Variants in WDR1 observed in about 807,000 individuals in gnomAD.
The protein encoded by WDR1 is WD repeat domain 1, also known as WD repeat-containing protein 1.
A neutral mutation model predicts 71.9 loss-of-function variants in WDR1; 21 were observed. The ratio of observed to expected loss-of-function variants is 0.29; its 90% CI spans 0.21 to 0.42. The LOEUF (loss-of-function observed/expected upper bound fraction) is 0.42. Ranked by LOEUF, WDR1 falls within the 10% of genes least tolerant of loss-of-function variation. The probability of loss-of-function intolerance (pLI) is 1.00; values close to 1 mark genes in which losing one functional copy is unlikely to be tolerated. For missense variants in WDR1, 696 were observed against 824.5 expected, an observed-to-expected ratio of 0.84 and a Z score of 1.91; for synonymous variants, 424 against 347.4, an observed-to-expected ratio of 1.22 and a Z score of -2.45.
At chr4:10,101,059 C>G (rs1332086656) in intron 3 of WDR1, among the ~76,000 whole-genome samples, 1 of 152,270 alleles carries the variant, frequency 6.6e-6, no homozygotes, top group East Asian at 1.9e-4. Context: ...GGCCAAACCA[C>G]ACGCCTGTCA....
intron 9 of WDR1, chr4:10,083,677 C>G (rs2241471): frequency 2.1e-6 from 1 of 467,826 alleles, no homozygotes; most frequent in Non-Finnish European, 4.3e-6. Context: ...AGCAGAACAA[C>G]GCACAGCAGG....
chr4:10,088,810 A>G (rs1319373066), intron 5 of WDR1, 69 bp from the exon 6 acceptor site: 5 of 1,194,770 alleles, frequency 4.2e-6, no homozygotes, highest in Non-Finnish European at 6.1e-6. Context: ...AATGCTCTCT[A>G]TGAAACACAG....
chr4:10,116,028 G>A, intron 2 of WDR1, 85 bp downstream of exon 2: 1 of 1,530,624 alleles, frequency 6.5e-7, no homozygotes, highest in South Asian at 1.2e-5. Context: ...CAATGGGCAG[G>A]AGGTGAGAAG....
At chr4:10,105,476 T>A (rs1399313575) in intron 2 of WDR1, among the ~76,000 whole-genome samples, 2 of 152,254 alleles carry the variant, frequency 1.3e-5, no homozygotes, top group African/African-American at 4.8e-5. Context: ...TCAAGGTGTC[T>A]ATCCAAAGAA....
At chr4:10,108,996 A>G (rs1713191974) in intron 2 of WDR1, among the ~76,000 whole-genome samples, 1 of 152,240 alleles carries the variant, frequency 6.6e-6, no homozygotes, top group Non-Finnish European at 1.5e-5. Context: ...GCTGCCAAAT[A>G]CCGACAAAGA....
chr4:10,102,337 C>T (rs1194437504), intron 3 of WDR1, among the ~76,000 whole-genome samples: 1 of 152,200 alleles, frequency 6.6e-6, no homozygotes, highest in Non-Finnish European at 1.5e-5. Flanking sequence ...CTGAGTGTGA[C>T]CTCGAAAACC....
intron 8 of WDR1, among the ~76,000 whole-genome samples, chr4:10,087,501 C>CTCA (rs1195977607): frequency 1.3e-5 from 2 of 152,242 alleles, no homozygotes. Context: ...GGGAACTTGG[C>CTCA]ACCTGGCCTG....
chr4:10,112,371 AC>A (rs1478208717), intron 2 of WDR1, among the ~76,000 whole-genome samples: 1 of 152,172 alleles, frequency 6.6e-6, no homozygotes, highest in Non-Finnish European at 1.5e-5. Flanking sequence ...TCTCTCAAAC[AC>A]AGTGTACATA....
chr4:10,116,025 CAGG>C (rs1713697812), intron 2 of WDR1, 85 bp downstream of exon 2: 27 of 1,522,004 alleles, frequency 1.8e-5, no homozygotes, highest in Non-Finnish European at 2.2e-5. Flanking sequence ...GGCCAATGGG[CAGG>C]AGGTGAGAAG....
chr4:10,102,550 G>A (rs968296605), intron 3 of WDR1, among the ~76,000 whole-genome samples: 36 of 152,170 alleles, frequency 2.4e-4, no homozygotes, highest in African/African-American at 7.7e-4. Flanking sequence ...GACAGATACC[G>A]GCCCCTGCTG....
chr4:10,092,783 T>C, intron 5 of WDR1: 1 of 312,884 alleles, frequency 3.2e-6, no homozygotes, highest in Non-Finnish European at 6.5e-6. Flanking sequence ...GGAGAGGGAT[T>C]GGGGAACCTC....
intron 11 of WDR1, among the ~76,000 whole-genome samples, chr4:10,080,977 A>C (rs1458851399): frequency 6.6e-6 from 1 of 152,206 alleles, no homozygotes; most frequent in Non-Finnish European, 1.5e-5. Context: ...TAAATGCCGG[A>C]GGTCACACAG....
chr4:10,104,931 A>C (rs1578444058), intron 2 of WDR1, among the ~76,000 whole-genome samples: 2 of 148,280 alleles, frequency 1.3e-5, no homozygotes, highest in African/African-American at 2.5e-5. Flanking sequence ...CTGCCACCCC[A>C]CCCCTCATCT....
chr4:10,104,117 G>A lies in WDR1; in HGVS notation c.139-131C>T, dbSNP rs140525806. 798 of 901,626 alleles carry A rather than the reference G, an allele frequency of 8.9e-4. 3 individuals carry two copies. In the African/African-American group the frequency reaches 0.012, roughly 13 times the overall value. 55.9% of individuals were successfully genotyped at this position (901,626 alleles called of 1,614,324 possible). Reference sequence around the variant, plus strand: ...TGAAGCTAAAACCGTGAAGAAAACCGCAGAAGCATACCACTTGCCTACGTA... The same window carrying A: ...TGAAGCTAAAACCGTGAAGAAAACCACAGAAGCATACCACTTGCCTACGTA... On this transcript the variant is annotated intron_variant, in intron 2 of 14. Transcript: ENST00000499869.
chr4:10,081,288 G>C (rs1765004173), intron 11 of WDR1, 69 bp downstream of exon 11: 1 of 1,483,524 alleles, frequency 6.7e-7, no homozygotes, highest in Non-Finnish European at 9.4e-7. Context: ...AACGGGACAT[G>C]AGTCAAATTC....
chr4:10,083,736 G>A (rs1053146504), intron 9 of WDR1: 4 of 456,048 alleles, frequency 8.8e-6, no homozygotes, highest in African/African-American at 6.0e-5. Flanking sequence ...GCACTCTGCA[G>A]ATGGTGGCTC....
At chr4:10,110,923 A>T (rs991854913) in intron 2 of WDR1, among the ~76,000 whole-genome samples, 1 of 152,144 alleles carries the variant, frequency 6.6e-6, no homozygotes, top group African/African-American at 2.4e-5. Flanking sequence ...CCTGAAAATC[A>T]CTGATTTTAA....
intron 2 of WDR1, among the ~76,000 whole-genome samples, chr4:10,104,943 C>A (rs1358546702): frequency 6.6e-6 from 1 of 152,164 alleles, no homozygotes; most frequent in East Asian, 1.9e-4. Context: ...CCCTCATCTC[C>A]CTTAGACCCC....
chr4:10,099,991 C>T (rs1054563277), intron 3 of WDR1, among the ~76,000 whole-genome samples: 16 of 152,174 alleles, frequency 1.1e-4, no homozygotes, highest in Non-Finnish European at 1.9e-4. Flanking sequence ...GTCCCAATCC[C>T]GACACACCCT....
Sources: gnomAD v4.1 joint callset for allele counts (sites outside exome capture counted in the v4.1 genomes callset) on GRCh38, gnomAD v4.1.1 for gene constraint, MANE v1.5 for transcripts, NCBI Gene and HGNC (gene_info 2026-07-23, HGNC 2026-07-21) for gene names.